LCOR: variants seen among roughly 807,000 people sequenced by gnomAD.
The protein encoded by LCOR is ligand-dependent corepressor.
Under a neutral mutation model 64.4 loss-of-function variants are expected in LCOR, and 14 were observed. The ratio of observed to expected loss-of-function variants is 0.22; its 90% CI spans 0.14 to 0.34. The LOEUF is 0.34. Among genes scored for constraint, LCOR ranks in the 10% least tolerant of loss-of-function variants. The probability of loss-of-function intolerance (pLI) is 1.00; values close to 1 mark genes in which losing one functional copy is unlikely to be tolerated. For missense variants in LCOR, 1,686 were observed against 1,765.3 expected (o/e 0.96, Z 0.80); for synonymous variants, 643 against 642.5 (o/e 1.00, Z -0.01).
intron 2 of LCOR, among the ~76,000 whole-genome samples, chr10:96,885,894 A>G (rs1351469257): frequency 6.6e-6 from 1 of 151,946 alleles, no homozygotes; most frequent in East Asian, 1.9e-4. Context: ...TAATGATTTT[A>G]AAGATTGTGT....
rs758596479 is a variant in LCOR, at chr10:96,955,592, A to G, written c.332+3396A>G. 6.2e-6 allele frequency: 10 copies of G among 1,614,084 alleles called. 1 individual carries two copies. In the South Asian group the frequency reaches 7.7e-5, roughly 12 times the overall value. ...CTGAGCAGTCTACCTCTGGACAGCC[A>G]TATCCCACATCGGATCAAGAAGGAG... On this transcript the variant is annotated intron_variant, in intron 7 of 7. Coordinates refer to ENST00000421806, the MANE Select transcript of LCOR (RefSeq NM_001346516.2).
chr10:96,848,927 C>T (rs1426975416), intron 2 of LCOR, among the ~76,000 whole-genome samples: 1 of 149,352 alleles, frequency 6.7e-6, no homozygotes, highest in Non-Finnish European at 1.5e-5. Context: ...TGTTTTTGTG[C>T]ATATAAAATA....
At chr10:96,839,300 C>T (rs1034072609) in intron 2 of LCOR, among the ~76,000 whole-genome samples, 1 of 152,128 alleles carries the variant, frequency 6.6e-6, no homozygotes, top group Non-Finnish European at 1.5e-5. Flanking sequence ...TCATACTCCC[C>T]ATTTAAGAAC....
At position 96,957,979 on chromosome 10, in the gene LCOR, T is replaced by A. The variant is rs374176730; in HGVS notation, c.332+5783T>A. 31 of 989,434 alleles carry A rather than the reference T, an allele frequency of 3.1e-5. 1 individual carries two copies. The highest frequency in any genetic ancestry group is 5.2e-4 in the Middle Eastern group (1 of 1,922). The allele number at this position is 989,434 out of a possible 1,614,324, so 61.3% of individuals were successfully genotyped here. A position where few individuals can be genotyped will look rare whatever the true frequency, so the allele number is the denominator to read the frequency against. ...GCTGGAAGTTGCAATAAAAATTCCT[T>A]ATGAAATATATGGTTTTCATCTGTA... is the stretch of plus-strand genomic sequence containing the variant. On this transcript the variant is annotated intron_variant, in intron 7 of 7. Transcript: ENST00000421806.
intron 2 of LCOR, among the ~76,000 whole-genome samples, chr10:96,845,000 C>A (rs1564600234): frequency 6.6e-6 from 1 of 152,126 alleles, no homozygotes; most frequent in Admixed American, 6.6e-5. Flanking sequence ...CACTTCCAAC[C>A]TTCTGTGACT....
rs1160414349 is a variant in LCOR at position 96,994,911 on chromosome 10, T to C, written c.*9777T>C. On this transcript the variant is annotated 3_prime_UTR_variant, in exon 8 of 8. Coordinates refer to ENST00000421806, the MANE Select transcript of LCOR (RefSeq NM_001346516.2). Reference sequence around the variant, plus strand: ...GGTCATCTTTGTAAACTCATGGCATTATTTCCTCATATGCATTATGATACT... The same window carrying C: ...GGTCATCTTTGTAAACTCATGGCATCATTTCCTCATATGCATTATGATACT... 4 of 152,210 alleles carry C rather than the reference T, an allele frequency of 2.6e-5. No individual in the cohort carries two copies. The highest frequency in any genetic ancestry group is 6.5e-5 in the Admixed American group (1 of 15,288). The allele number at this position is 152,210 out of a possible 1,614,324, so 9.4% of individuals were successfully genotyped here.
intron 2 of LCOR, among the ~76,000 whole-genome samples, chr10:96,862,295 A>T (rs1845900101): frequency 6.6e-6 from 1 of 151,912 alleles, no homozygotes; most frequent in African/African-American, 2.4e-5. Context: ...TGTTTTTGAG[A>T]TAGCGTCTCA....
chr10:96,841,572 G>A (rs1310024242), intron 2 of LCOR, among the ~76,000 whole-genome samples: 1 of 151,932 alleles, frequency 6.6e-6, no homozygotes, highest in Admixed American at 6.6e-5. Flanking sequence ...TGTTGGCCAG[G>A]CTGGTCTCGA....
chr10:96,849,456 C>T (rs184483911), intron 2 of LCOR, among the ~76,000 whole-genome samples: 36 of 152,220 alleles, frequency 2.4e-4, no homozygotes, highest in African/African-American at 7.9e-4. Flanking sequence ...GTGATTGGCC[C>T]GCCTCGGCCT....
chr10:96,891,673 G>C (rs28820629), intron 2 of LCOR, among the ~76,000 whole-genome samples: 1 of 150,626 alleles, frequency 6.6e-6, no homozygotes, highest in Non-Finnish European at 1.5e-5. Flanking sequence ...CTCCTGAGTA[G>C]CTGGGATTAC....
chr10:96,929,506 G>A (rs1010506621), intron 4 of LCOR, among the ~76,000 whole-genome samples: 1 of 152,222 alleles, frequency 6.6e-6, no homozygotes, highest in Non-Finnish European at 1.5e-5. Flanking sequence ...CCTTGCTCTG[G>A]ATTAGGCTTT....
At chr10:96,892,888 C>T (rs1846470074) in intron 2 of LCOR, among the ~76,000 whole-genome samples, 1 of 152,284 alleles carries the variant, frequency 6.6e-6, no homozygotes, top group South Asian at 2.1e-4. Flanking sequence ...TTCTGCCCAT[C>T]TCTGCCTATT....
chr10:96,847,747 A>G (rs1845657676), intron 2 of LCOR, among the ~76,000 whole-genome samples: 1 of 152,088 alleles, frequency 6.6e-6, no homozygotes, highest in South Asian at 2.1e-4. Context: ...CAGCCTGGTC[A>G]AAAGTACTAA....
At chr10:96,955,936 T>C (rs1229530830) in intron 7 of LCOR, 3 of 1,602,116 alleles carry the variant, frequency 1.9e-6, no homozygotes. Flanking sequence ...TACTGTAGAG[T>C]GCCAATTACT....
At chr10:96,887,427 G>C (rs1009504219) in intron 2 of LCOR, among the ~76,000 whole-genome samples, 3 of 151,874 alleles carry the variant, frequency 2.0e-5, no homozygotes, top group Non-Finnish European at 1.5e-5. Flanking sequence ...GCCGGGCGTC[G>C]TGGCGGGCGC....
At chr10:96,856,940 T>C (rs1200683277) in intron 2 of LCOR, among the ~76,000 whole-genome samples, 2 of 151,762 alleles carry the variant, frequency 1.3e-5, no homozygotes, top group African/African-American at 2.4e-5. Context: ...TAGAAAGGAA[T>C]AGTAGGGAAC....
chr10:96,852,414 C>G (rs1420692879), intron 2 of LCOR, among the ~76,000 whole-genome samples: 7 of 152,242 alleles, frequency 4.6e-5, no homozygotes, highest in Non-Finnish European at 8.8e-5. Context: ...GAGTGAGACC[C>G]TATCTCAAAA....
intron 2 of LCOR, among the ~76,000 whole-genome samples, chr10:96,902,858 T>A (rs576224503): frequency 6.6e-6 from 1 of 152,326 alleles, no homozygotes; most frequent in East Asian, 1.9e-4. Context: ...GGTTGCATTA[T>A]GAGAAGTGCA....
At chr10:96,884,758 G>C (rs971531591) in intron 2 of LCOR, among the ~76,000 whole-genome samples, 1 of 152,148 alleles carries the variant, frequency 6.6e-6, no homozygotes, top group South Asian at 2.1e-4. Context: ...GCCTTTATGC[G>C]AGAGTCTCAG....
Sources: gnomAD v4.1 joint callset for allele counts (sites outside exome capture counted in the v4.1 genomes callset) on GRCh38, gnomAD v4.1.1 for gene constraint, MANE v1.5 for transcripts, NCBI Gene and HGNC (gene_info 2026-07-23, HGNC 2026-07-21) for gene names.